The following UNC79 variants were observed in gnomAD, a reference collection of about 807,000 sequenced individuals.
UNC79 encodes unc-79 subunit of NALCN channel complex.
Under a neutral mutation model 283.1 loss-of-function variants are expected in UNC79, and 37 were observed. The observed-to-expected ratio is 0.13, with a 90% CI of 0.10 to 0.17. UNC79 has a LOEUF of 0.17. UNC79 is among the 10% of genes least tolerant of loss of function. The probability of loss-of-function intolerance (pLI) is 1.00; values close to 1 mark genes in which losing one functional copy is unlikely to be tolerated. For missense variants in UNC79, 2,272 were observed against 3,211.1 expected, an observed-to-expected ratio of 0.71 and a Z score of 7.07; for synonymous variants, 1,107 against 1,200.2, an observed-to-expected ratio of 0.92 and a Z score of 1.61.
intron 1 of UNC79, among the ~76,000 whole-genome samples, chr14:93,336,376 C>T (rs1453670640): frequency 1.3e-5 from 2 of 152,034 alleles, no homozygotes; most frequent in African/African-American, 4.8e-5. Flanking sequence ...GAGTCTTGCT[C>T]TGTCACCCAG....
intron 1 of UNC79, among the ~76,000 whole-genome samples, chr14:93,393,995 G>A (rs2054937969): frequency 6.6e-6 from 1 of 151,016 alleles, no homozygotes; most frequent in South Asian, 2.1e-4. Context: ...TTTTTTTTAG[G>A]ACATCTGTAT....
intron 4 of UNC79, among the ~76,000 whole-genome samples, chr14:93,484,471 T>C (rs893503937): frequency 6.6e-6 from 1 of 152,210 alleles, no homozygotes; most frequent in Non-Finnish European, 1.5e-5. Context: ...CATAATAATA[T>C]ATTCAGAACT....
At chr14:93,702,935 G>A (rs977460635) in intron 47 of UNC79, among the ~76,000 whole-genome samples, 2 of 152,322 alleles carry the variant, frequency 1.3e-5, no homozygotes, top group Admixed American at 6.5e-5. Flanking sequence ...TGCTGCCACG[G>A]TGATCTGTCT....
In UNC79 at chr14:93,341,159, A is replaced by G. The variant is rs1306609893; in HGVS notation, c.-351+7636A>G. Among the ~76,000 whole-genome samples the G allele has an allele frequency of 1.7e-4, 26 of 152,120 alleles. 1 individual carries two copies. The highest frequency in any genetic ancestry group is 1.5e-5 in the Non-Finnish European group (1 of 68,014). On this transcript the variant is annotated intron_variant, in intron 1 of 49. Coordinates refer to the UNC79 transcript ENST00000256339. ...AAGAAGAGGAATGTGAAATTTAAAA[A>G]TGAAAAGGTGGCCGGGTGCAGTGGT...
intron 1 of UNC79, among the ~76,000 whole-genome samples, chr14:93,463,462 T>C (rs2057036379): frequency 6.6e-6 from 1 of 152,122 alleles, no homozygotes; most frequent in Non-Finnish European, 1.5e-5. Flanking sequence ...AGAGAGGTTT[T>C]TTCTTTCCCT....
chr14:93,517,362 C>T (rs1328457203), intron 7 of UNC79, among the ~76,000 whole-genome samples: 3 of 121,992 alleles, frequency 2.5e-5, no homozygotes, highest in Middle Eastern at 6.3e-3. Context: ...AATATCTCCA[C>T]TTGAATAGAA....
intron 1 of UNC79, among the ~76,000 whole-genome samples, chr14:93,344,929 G>A (rs2053792816): frequency 6.6e-6 from 1 of 152,162 alleles, no homozygotes; most frequent in African/African-American, 2.4e-5. Flanking sequence ...TGGGCATGAT[G>A]GTTAACTCCT....
intron 10 of UNC79, among the ~76,000 whole-genome samples, chr14:93,530,621 A>G (rs1236462497): frequency 6.6e-6 from 1 of 152,026 alleles, no homozygotes; most frequent in Non-Finnish European, 1.5e-5. Flanking sequence ...TAAAAAAAAC[A>G]AAAACAGGCC....
chr14:93,338,074 A>G (rs940800599), intron 1 of UNC79, among the ~76,000 whole-genome samples: 3 of 152,262 alleles, frequency 2.0e-5, no homozygotes, highest in Admixed American at 2.0e-4. Flanking sequence ...CTTGGCAAGC[A>G]TGGGATCCAG....
upstream of UNC79, among the ~76,000 whole-genome samples, chr14:93,426,769 T>G (rs527881269): frequency 4.2e-4 from 64 of 151,818 alleles, 1 homozygote; most frequent in South Asian, 0.013. Flanking sequence ...ATTATAAGCA[T>G]TTTTTTTTCA....
At chr14:93,655,470 C>A in intron 38 of UNC79, 63 bp downstream of exon 41, 8 of 1,574,166 alleles carry the variant, frequency 5.1e-6, no homozygotes, top group Non-Finnish European at 6.9e-6. Flanking sequence ...CGTTTATTTA[C>A]AAGCAGCAGA....
At chr14:93,440,608 C>A (rs1316928773) in intron 1 of UNC79, among the ~76,000 whole-genome samples, 1 of 150,776 alleles carries the variant, frequency 6.6e-6, no homozygotes, top group East Asian at 1.9e-4. Flanking sequence ...TAGTTGTAGC[C>A]TACAGATTCT....
exon 16 of UNC79, chr14:93,572,802 T>G (rs1042182866): frequency 6.2e-7 from 1 of 1,613,494 alleles, no homozygotes. Flanking sequence ...GGAGCAAGCT[T>G]TACTGTGGCT....
chr14:93,441,766 G>A (rs141070927), intron 1 of UNC79, among the ~76,000 whole-genome samples: 134 of 152,098 alleles, frequency 8.8e-4, no homozygotes, highest in African/African-American at 3.1e-3. Flanking sequence ...TTTGATAATT[G>A]TATTTTAGCT....
chr14:93,341,804 C>G (rs2139881555), intron 1 of UNC79, among the ~76,000 whole-genome samples: 1 of 152,218 alleles, frequency 6.6e-6, no homozygotes, highest in Admixed American at 6.5e-5. Context: ...CACAGTTAAC[C>G]CAACAGGGCA....
At chr14:93,449,619 A>T (rs1460701840) in intron 1 of UNC79, among the ~76,000 whole-genome samples, 1 of 142,508 alleles carries the variant, frequency 7.0e-6, no homozygotes, top group Admixed American at 7.0e-5. Flanking sequence ...CCTTGTCTCT[A>T]AAAAAAAAAA....
intron 11 of UNC79, among the ~76,000 whole-genome samples, chr14:93,534,162 T>A (rs1209507391): frequency 2.0e-5 from 3 of 152,194 alleles, no homozygotes. Flanking sequence ...CATCAACAGT[T>A]CCTCTGTCTC....
intron 1 of UNC79, among the ~76,000 whole-genome samples, chr14:93,432,261 G>A (rs149070722): frequency 7.9e-5 from 12 of 152,290 alleles, no homozygotes; most frequent in African/African-American, 2.9e-4. Context: ...CAGATTGATG[G>A]TTCATTAGAA....
intron 22 of UNC79, among the ~76,000 whole-genome samples, chr14:93,592,177 T>C (rs904418530): frequency 6.9e-6 from 1 of 145,720 alleles, no homozygotes; most frequent in Non-Finnish European, 1.5e-5. Flanking sequence ...TTTTCCTTTT[T>C]TTTTTTTTTT....
Sources: allele counts gnomAD v4.1 joint callset (sites outside exome capture counted in the v4.1 genomes callset), GRCh38; gene constraint gnomAD v4.1.1; transcripts MANE v1.5; gene names NCBI Gene and HGNC (gene_info 2026-07-23, HGNC 2026-07-21).